DGKK: variants seen among roughly 807,000 people sequenced by gnomAD.
DGKK encodes the protein 142 kDa diacylglycerol kinase.
In DGKK, 35 loss-of-function variants were observed where a neutral mutation model predicts 92.2. That is an observed-to-expected ratio of 0.38 (90% CI 0.29 to 0.50). The LOEUF (loss-of-function observed/expected upper bound fraction) is 0.50. Ranked by LOEUF, DGKK falls within the 20% of genes least tolerant of loss-of-function variation. DGKK has a pLI of 0.92. For synonymous variants in DGKK, 368 were observed against 360.6 expected, an observed-to-expected ratio of 1.02 and a Z score of -0.23; for missense variants, 910 against 992.2, an observed-to-expected ratio of 0.92 and a Z score of 1.11.
At chrX:50,410,428 T>C (rs1925275084) in intron 4 of DGKK, among the ~76,000 whole-genome samples, 1 of 112,296 alleles carries the variant, frequency 8.9e-6, no homozygotes, top group African/African-American at 3.2e-5. Context: ...GTTTGTATTC[T>C]AGTGTTTGAT....
intron 8 of DGKK, among the ~76,000 whole-genome samples, chrX:50,395,334 A>C (rs1450962417): frequency 9.1e-6 from 1 of 110,019 alleles, no homozygotes; most frequent in Non-Finnish European, 1.9e-5. Context: ...CTCTGTCAAC[A>C]CCCTCTAAGT....
intron 1 of DGKK, among the ~76,000 whole-genome samples, chrX:50,450,410 T>C (rs1192592804): frequency 8.9e-6 from 1 of 112,047 alleles, no homozygotes; most frequent in African/African-American, 3.2e-5. Flanking sequence ...CCCTGCCTTT[T>C]TTATCTGGCT....
At chrX:50,461,228 A>G (rs1451561543) in intron 1 of DGKK, among the ~76,000 whole-genome samples, 1 of 112,131 alleles carries the variant, frequency 8.9e-6, no homozygotes, top group Non-Finnish European at 1.9e-5. Context: ...GAGTTTGACT[A>G]GATGAACTTT....
intron 4 of DGKK, 45 bp from the exon 5 acceptor site, chrX:50,404,229 A>T (rs782016407): frequency 4.3e-6 from 5 of 1,167,008 alleles, no homozygotes; most frequent in Non-Finnish European, 5.7e-6. Context: ...TGAATCACAG[A>T]GACGGATTAA....
At chrX:50,402,939 T>C in intron 7 of DGKK, 122 bp downstream of exon 7, 1 of 949,090 alleles carries the variant, frequency 1.1e-6, no homozygotes, top group Non-Finnish European at 1.4e-6. Context: ...ATGGAATCTG[T>C]TTAACCTGTT....
chrX:50,399,755 G>T (rs148659151), intron 8 of DGKK, among the ~76,000 whole-genome samples: 1 of 111,870 alleles, frequency 8.9e-6, no homozygotes, highest in South Asian at 3.8e-4. Flanking sequence ...AATAGGTTAG[G>T]TCTTTTAAGC....
intron 1 of DGKK, among the ~76,000 whole-genome samples, chrX:50,447,374 TATATATATAATATA>T: frequency 5.0e-5 from 1 of 19,919 alleles, no homozygotes; most frequent in Non-Finnish European, 8.5e-5. Context: ...ATATATTATA[TATATATATAATATA>T]TATATATTAT....
intron 22 of DGKK, 147 bp downstream of exon 22, chrX:50,377,951 G>A: frequency 1.4e-6 from 1 of 730,910 alleles, no homozygotes. Flanking sequence ...GCCCAAGAAT[G>A]CATTTATAAC....
At chrX:50,369,130 G>A in intron 27 of DGKK, 111 bp from the exon 28 acceptor site, 1 of 537,533 alleles carries the variant, frequency 1.9e-6, no homozygotes, top group Non-Finnish European at 3.0e-6. Context: ...AGACTGGTTT[G>A]TTCCTATTGT....
At chrX:50,398,920 T>C in intron 8 of DGKK, among the ~76,000 whole-genome samples, 1 of 112,253 alleles carries the variant, frequency 8.9e-6, no homozygotes, top group East Asian at 2.8e-4. Flanking sequence ...CTTTTCTTCT[T>C]GTATCAACTG....
At chrX:50,369,279 T>C (rs9698284) in intron 27 of DGKK, among the ~76,000 whole-genome samples, 18,018 of 110,127 alleles carry the variant, frequency 0.16, 3,573 homozygotes, top group African/African-American at 0.56. Flanking sequence ...TTGCAAACAC[T>C]ATTGTCTCCC....
At chrX:50,434,211 C>T (rs974749706) in intron 1 of DGKK, among the ~76,000 whole-genome samples, 6 of 111,022 alleles carry the variant, frequency 5.4e-5, no homozygotes, top group Non-Finnish European at 1.1e-4. Flanking sequence ...GCAGGAGTAG[C>T]AATTTCTTCT....
rs933005470 is a variant in DGKK, at chrX:50,367,773, G to C, written c.*1167C>G. 1.8e-5 allele frequency: 2 copies of C among 111,489 alleles called. No homozygotes were observed. Among genetic ancestry groups the C allele is most frequent in the African/African-American group, 6.5e-5 (2 of 30,626 alleles). The allele number at this position is 111,489 out of a possible 1,213,427, so 9.2% of individuals were successfully genotyped here. ...TAGAGCAAAAAAAGGCAGCATGCCAGCTTAAACCCCTTCTTTAGGGCATTG... is the reference window on the plus strand; with the variant it reads ...TAGAGCAAAAAAAGGCAGCATGCCACCTTAAACCCCTTCTTTAGGGCATTG... On this transcript the variant is annotated 3_prime_UTR_variant, in exon 28 of 28. Coordinates refer to ENST00000611977, the MANE Select transcript of DGKK (RefSeq NM_001013742.4).
rs1927059364 is a variant in DGKK, at chrX:50,470,765, C to T, written c.-87G>A. The T allele has an allele frequency of 9.8e-7, 1 of 1,022,164 alleles. No individual in the cohort carries two copies. The highest frequency in any genetic ancestry group is 1.3e-6 in the Non-Finnish European group (1 of 784,602). The allele number at this position is 1,022,164 out of a possible 1,213,427, so 84.2% of individuals were successfully genotyped here. On this transcript the variant is annotated 5_prime_UTR_variant, in exon 1 of 28. Coordinates refer to ENST00000611977, the MANE Select transcript of DGKK (RefSeq NM_001013742.4). ...CTCGGGCGCCCCGCCCACTCCAGTC[C>T]GGCAGCCCCTCGCAGGGTGCCAAAC... is the stretch of plus-strand genomic sequence containing the variant.
chrX:50,424,962 A>G (rs1292828455), intron 1 of DGKK, among the ~76,000 whole-genome samples: 2 of 112,047 alleles, frequency 1.8e-5, no homozygotes, highest in Non-Finnish European at 3.8e-5. Context: ...CTTTCTTTAC[A>G]TCTCATAGTC....
Position 50,470,742 on chromosome X carries a change from C to T in DGKK, c.-64G>A, listed in dbSNP as rs1292610834. 9 of 1,064,642 alleles carry T rather than the reference C, an allele frequency of 8.5e-6. No individual in the cohort carries two copies. The highest frequency in any genetic ancestry group is 9.7e-6 in the Non-Finnish European group (8 of 822,970). The allele number at this position is 1,064,642 out of a possible 1,213,427, so 87.7% of individuals were successfully genotyped here. Reference sequence around the variant, plus strand: ...TAAGCCTGGAAGGCTAAAGTACCCTCGGGCGCCCCGCCCACTCCAGTCCGG... The same window carrying T: ...TAAGCCTGGAAGGCTAAAGTACCCTTGGGCGCCCCGCCCACTCCAGTCCGG... On this transcript the variant is annotated 5_prime_UTR_variant, in exon 1 of 28. Transcript: ENST00000611977.
rs1927056513 is a variant in DGKK, at chrX:50,470,695, A to G, written c.-17T>C. On this transcript the variant is annotated 5_prime_UTR_variant, in exon 1 of 28. An upstream open reading frame in the 5' UTR loses its in-frame stop. Transcript: ENST00000611977. ...GCGGTCCATGGCCGCACACCGCTTC[A>G]GGTCTGGGCAGCCTGAGTCCCTAAG... 2.7e-6 allele frequency: 3 copies of G among 1,092,432 alleles called. No homozygotes were observed. The highest frequency in any genetic ancestry group is 7.4e-5 in the Admixed American group (2 of 26,968). 90.0% of individuals were successfully genotyped at this position (1,092,432 alleles called of 1,213,427 possible). A position where few individuals can be genotyped will look rare whatever the true frequency, so the allele number is the denominator to read the frequency against.
At chrX:50,456,000 C>T (rs1234840892) in intron 1 of DGKK, among the ~76,000 whole-genome samples, 1 of 112,092 alleles carries the variant, frequency 8.9e-6, no homozygotes, top group African/African-American at 3.2e-5. Flanking sequence ...TCCCATTAGA[C>T]ATGACACCCT....
At chrX:50,373,177 C>T (rs1557223457) in intron 25 of DGKK, among the ~76,000 whole-genome samples, 1 of 112,373 alleles carries the variant, frequency 8.9e-6, no homozygotes, top group Non-Finnish European at 1.9e-5. Flanking sequence ...TTCACTTCGT[C>T]ATCAATTTAC....
Sources: gnomAD v4.1 joint callset for allele counts (sites outside exome capture counted in the v4.1 genomes callset) on GRCh38, gnomAD v4.1.1 for gene constraint, MANE v1.5 for transcripts, NCBI Gene and HGNC (gene_info 2026-07-23, HGNC 2026-07-21) for gene names.